ABCA5: variants seen among roughly 807,000 people sequenced by gnomAD.
ABCA5 encodes ATP binding cassette subfamily A member 5, also known as cholesterol transporter ABCA5.
ABCA5 carries 163 observed loss-of-function variants against 206.0 expected under a neutral mutation model. The ratio of observed to expected loss-of-function variants is 0.79; its 90% confidence interval spans 0.70 to 0.90. The LOEUF (loss-of-function observed/expected upper bound fraction) is 0.90, where lower values mean the gene tolerates loss of function less well. ABCA5 is among the 40% of genes least tolerant of loss of function. The pLI, the probability that ABCA5 is intolerant of heterozygous loss-of-function variation, is 0.00. For synonymous variants in ABCA5, 609 were observed against 613.8 expected (o/e 0.99, Z 0.11); for missense variants, 1,859 against 1,912.9 (o/e 0.97, Z 0.53).
At chr17:69,302,956 T>C in intron 7 of ABCA5, 50 bp from the exon 8 acceptor site, 4 of 1,007,346 alleles carry the variant, frequency 4.0e-6, no homozygotes, top group Middle Eastern at 3.3e-4. Context: ...TATACCAGTA[T>C]GAAAACAAAA....
At chr17:69,306,997 G>A in intron 5 of ABCA5, 43 bp from the exon 6 acceptor site, 1 of 1,386,760 alleles carries the variant, frequency 7.2e-7, no homozygotes, top group South Asian at 1.6e-5. Flanking sequence ...ATTTAGTTAT[G>A]ATAGCAGCCC....
Position 69,321,623 on chromosome 17 carries a change from C to G in ABCA5, c.-16+5429G>C, listed in dbSNP as rs1252443677. On this transcript the variant is annotated intron_variant, in intron 1 of 38. Transcript: ENST00000392676. ...TATCTAGGAGTTCACTCACTAGCAG[C>G]TGAGTTAATACAAGACCAAAGCAGA... Among the ~76,000 whole-genome samples, 3 of 152,254 alleles carry G rather than the reference C, an allele frequency of 2.0e-5. No homozygotes were observed. In the East Asian group the frequency reaches 5.8e-4, roughly 29 times the overall value.
At chr17:69,273,922 T>C (rs2075302456) in intron 20 of ABCA5, 37 bp downstream of exon 20, 3 of 1,567,582 alleles carry the variant, frequency 1.9e-6, no homozygotes, top group Non-Finnish European at 2.6e-6. Context: ...CCATGCTCCA[T>C]GCCAACACTC....
chr17:69,253,100 G>A (rs1410908300), intron 34 of ABCA5, among the ~76,000 whole-genome samples: 1 of 152,034 alleles, frequency 6.6e-6, no homozygotes, highest in Non-Finnish European at 1.5e-5. Flanking sequence ...GTCTAGGTGT[G>A]TAGTAGGCTA....
chr17:69,291,870 T>C (rs1222207415), intron 11 of ABCA5, among the ~76,000 whole-genome samples: 2 of 152,030 alleles, frequency 1.3e-5, no homozygotes, highest in Non-Finnish European at 2.9e-5. Context: ...CCCAACACTT[T>C]GGGAGGCTGA....
At chr17:69,289,060 C>T in intron 14 of ABCA5, 117 bp downstream of exon 14, 1 of 978,962 alleles carries the variant, frequency 1.0e-6, no homozygotes, top group Non-Finnish European at 1.4e-6. Context: ...TCCATAATAA[C>T]ATACAGCATT....
In ABCA5 at chr17:69,250,524, G is replaced by C. The variant is rs200779886; in HGVS notation, c.4633C>G (p.Arg1545Gly). 5 of 1,600,974 alleles carry C rather than the reference G, an allele frequency of 3.1e-6. No individual in the cohort carries two copies. Among genetic ancestry groups the C allele is most frequent in the Non-Finnish European group, 4.3e-6 (5 of 1,175,354 alleles). Residue 1545 changes from arginine to glycine, a missense_variant, in exon 36 of 39, where the codon CGC becomes GGC. Transcript: ENST00000392676. Reference protein sequence around the residue: ...KDWIENLEVDRLQREIQYIFP... With the variant: ...KDWIENLEVDGLQREIQYIFP... Reference sequence around the variant, plus strand: ...ATATACTGAATTTCTCTTTGAAGGCGGTCTACTTCTAGGTTTTCTATCCAG... The same window carrying C: ...ATATACTGAATTTCTCTTTGAAGGCCGTCTACTTCTAGGTTTTCTATCCAG...
intron 1 of ABCA5, chr17:69,317,921 A>T (rs1231036289): frequency 6.6e-6 from 1 of 152,200 alleles, no homozygotes; most frequent in African/African-American, 2.4e-5. Context: ...CTGCATACTA[A>T]GAAGTATTGA....
rs1200926298 is a variant in ABCA5 at position 69,309,275 on chromosome 17, A to G, written c.456T>C (p.Tyr152=). Residue 152 remains tyrosine, a synonymous_variant, in exon 4 of 39, where the codon TAT becomes TAC. Transcript: ENST00000392676. ...FPDMIPVSSI[Y]MDSRAGCSKS... ...AGGGCTATTTACCTCTTGAATCCAT[A>G]TAAATAGAAGATACTGGAATCATAT... 1 of 1,575,874 alleles carries G rather than the reference A, an allele frequency of 6.3e-7. No individual in the cohort carries two copies. The highest frequency in any genetic ancestry group is 2.3e-5 in the East Asian group (1 of 43,602).
chr17:69,302,632 T>C, intron 8 of ABCA5, 86 bp downstream of exon 8: 1 of 939,182 alleles, frequency 1.1e-6, no homozygotes, highest in Non-Finnish European at 1.4e-6. Flanking sequence ...TTTTGGTAAA[T>C]CAAAGGTAGT....
intron 11 of ABCA5, among the ~76,000 whole-genome samples, chr17:69,294,342 G>C (rs1213775972): frequency 2.6e-5 from 4 of 151,926 alleles, no homozygotes; most frequent in African/African-American, 9.7e-5. Flanking sequence ...GGCCAACTTG[G>C]TGAAACCCCG....
chr17:69,255,138 A>G (rs879517581), intron 31 of ABCA5, among the ~76,000 whole-genome samples: 9 of 152,174 alleles, frequency 5.9e-5, no homozygotes, highest in African/African-American at 1.2e-4. Flanking sequence ...GCAAGGGGAG[A>G]GAAGCAGGAA....
chr17:69,314,297 A>T lies in ABCA5; in HGVS notation c.102+17T>A. 1 of 1,532,904 alleles carries T rather than the reference A, an allele frequency of 6.5e-7. No individual in the cohort carries two copies. The highest frequency in any genetic ancestry group is 9.0e-7 in the Non-Finnish European group (1 of 1,112,506). 95.0% of individuals were successfully genotyped at this position (1,532,904 alleles called of 1,614,324 possible). The stretch of plus-strand genomic sequence containing the variant: ...AATAAACTGCAAAAAAGCATAAGAA[A>T]GAGTTATTTAACTTACCTGAACACT... On this transcript the variant is annotated intron_variant, in intron 2 of 38. Transcript: ENST00000392676.
rs1218652003 is a variant in ABCA5, at chr17:69,309,411, T to C, written c.320A>G (p.Glu107Gly). Residue 107 changes from glutamate (E) to glycine (G), a missense_variant, in exon 4 of 39, where the codon GAA (glutamate) becomes GGA (glycine). Physicochemically the swap from Glu to Gly is moderately conservative, Grantham distance 98. Coordinates refer to ENST00000392676, the MANE Select transcript of ABCA5 (RefSeq NM_172232.4). ...CATTTCTTTTTCATTTGTATATTCTTCAGTAATTATGACTGTAAGATATCA... is the reference window on the plus strand; with the variant it reads ...CATTTCTTTTTCATTTGTATATTCTCCAGTAATTATGACTGTAAGATATCA... Reference protein sequence around the residue: ...TDHLPDVIITEEYTNEKEMLT... With the variant: ...TDHLPDVIITGEYTNEKEMLT... 6.4e-7 allele frequency: 1 copy of C among 1,571,226 alleles called. No individual in the cohort carries two copies. The highest frequency in any genetic ancestry group is 8.6e-7 in the Non-Finnish European group (1 of 1,161,978).
Position 69,326,774 on chromosome 17 carries a change from A to C in ABCA5, c.-16+278T>G, listed in dbSNP as rs1453211868. Among the ~76,000 whole-genome samples the C allele has an allele frequency of 2.0e-5, 3 of 151,916 alleles. No homozygotes were observed. The highest frequency in any genetic ancestry group is 2.0e-4 in the Admixed American group (3 of 15,272). ...GGGAGCCTCGCGGAGCCCCCGCCGC[A>C]GGGCCCCGACCCCCTCACGTCCGCA... On this transcript the variant is annotated intron_variant, in intron 1 of 38. Coordinates refer to ENST00000392676, the MANE Select transcript of ABCA5 (RefSeq NM_172232.4). The surrounding 1 kb of genome is among the most constrained non-coding windows in gnomAD (Gnocchi z 4.8).
intron 28 of ABCA5, among the ~76,000 whole-genome samples, chr17:69,258,963 G>A (rs144358213): frequency 1.3e-5 from 2 of 152,060 alleles, no homozygotes; most frequent in East Asian, 1.9e-4. Context: ...AACAAGCATT[G>A]GCAAGGATGT....
intron 28 of ABCA5, among the ~76,000 whole-genome samples, chr17:69,256,910 AACCTGAGTATAAAT>A (rs1190445095): frequency 6.6e-6 from 1 of 152,206 alleles, no homozygotes; most frequent in Non-Finnish European, 1.5e-5. Flanking sequence ...AAAAATTTAC[AACCTGAGTATAAAT>A]GAAATTGCCC....
intron 3 of ABCA5, among the ~76,000 whole-genome samples, chr17:69,312,598 G>A (rs1317143936): frequency 6.6e-6 from 1 of 151,816 alleles, no homozygotes; most frequent in Non-Finnish European, 1.5e-5. Context: ...GTTATAGATG[G>A]GGGTCCCATT....
chr17:69,272,869 T>TATA (rs1273525022), intron 20 of ABCA5, among the ~76,000 whole-genome samples: 6 of 152,216 alleles, frequency 3.9e-5, no homozygotes, highest in African/African-American at 1.2e-4. Context: ...TAGCCATGCT[T>TATA]ATTATTTTAA....
Sources: allele counts gnomAD v4.1 joint callset (sites outside exome capture counted in the v4.1 genomes callset), GRCh38; gene constraint gnomAD v4.1.1; non-coding constraint Gnocchi (gnomAD v3.1); transcripts MANE v1.5; gene names NCBI Gene and HGNC (gene_info 2026-07-23, HGNC 2026-07-21).